The following BRMS1L variants were observed in gnomAD, a reference collection of about 807,000 sequenced individuals.
BRMS1L encodes the protein BRMS1 like transcriptional repressor.
In BRMS1L, 23 loss-of-function variants were observed where a neutral mutation model predicts 50.3. The ratio of observed to expected loss-of-function variants is 0.46; its 90% confidence interval spans 0.33 to 0.65. The LOEUF (loss-of-function observed/expected upper bound fraction) is 0.65. Ranked by LOEUF, BRMS1L falls within the 30% of genes least tolerant of loss-of-function variation. The probability of loss-of-function intolerance (pLI) is 0.02; values close to 1 mark genes in which losing one functional copy is unlikely to be tolerated. For synonymous variants in BRMS1L, 114 were observed against 126.9 expected (o/e 0.90, Z 0.69); for missense variants, 286 against 386.1 (o/e 0.74, Z 2.17).
chr14:35,859,550 T>G (rs1259275678), intron 4 of BRMS1L, among the ~76,000 whole-genome samples: 1 of 152,246 alleles, frequency 6.6e-6, no homozygotes, highest in Non-Finnish European at 1.5e-5. Flanking sequence ...TATTCTTGTC[T>G]TGGTATTGTG....
At chr14:35,855,620 G>T (rs2078270279) in intron 4 of BRMS1L, among the ~76,000 whole-genome samples, 1 of 152,100 alleles carries the variant, frequency 6.6e-6, no homozygotes, top group South Asian at 2.1e-4. Context: ...TCTATTAATA[G>T]TTTAGTTGTG....
chr14:35,845,913 A>G (rs2078127507), intron 4 of BRMS1L, among the ~76,000 whole-genome samples: 1 of 152,128 alleles, frequency 6.6e-6, no homozygotes, highest in African/African-American at 2.4e-5. Context: ...GCACCTGGCT[A>G]TGATATGGAT....
chr14:35,851,911 G>A (rs1033334432), intron 4 of BRMS1L, among the ~76,000 whole-genome samples: 1 of 152,166 alleles, frequency 6.6e-6, no homozygotes, highest in South Asian at 2.1e-4. Flanking sequence ...TTCCCGTTGT[G>A]TATTCTTGGC....
chr14:35,862,701 A>G lies in BRMS1L; in HGVS notation c.538+15A>G, dbSNP rs1336727659. ...TATTACCTCAGGTAAGGAGAATGAT[A>G]TGATTGTGATGTTTGAGTGGCACCA... On this transcript the variant is annotated intron_variant, in intron 5 of 9. Transcript: ENST00000216807. 6.3e-7 allele frequency: 1 copy of G among 1,580,620 alleles called. No individual in the cohort carries two copies. The highest frequency in any genetic ancestry group is 8.7e-7 in the Non-Finnish European group (1 of 1,154,890).
chr14:35,865,021 A>G, intron 7 of BRMS1L, 22 bp downstream of exon 7: 1 of 1,487,960 alleles, frequency 6.7e-7, no homozygotes, highest in Non-Finnish European at 9.1e-7. Context: ...GAGCAGTGGA[A>G]CACAAGTATG....
At chr14:35,864,073 AGAT>A in intron 6 of BRMS1L, 120 bp downstream of exon 6, 2 of 773,428 alleles carry the variant, frequency 2.6e-6, no homozygotes, top group Non-Finnish European at 4.2e-6. Flanking sequence ...AATAAGCAAA[AGAT>A]GATTTATTTA....
intron 9 of BRMS1L, among the ~76,000 whole-genome samples, chr14:35,868,848 G>A (rs1003595911): frequency 6.6e-6 from 1 of 152,172 alleles, no homozygotes; most frequent in Non-Finnish European, 1.5e-5. Flanking sequence ...AAAAGTCCTA[G>A]TAATATGTCT....
At chr14:35,840,786 A>G (rs761665954) in intron 4 of BRMS1L, among the ~76,000 whole-genome samples, 1 of 151,216 alleles carries the variant, frequency 6.6e-6, no homozygotes, top group South Asian at 2.1e-4. Flanking sequence ...CTAGTGGTCT[A>G]TCTAAAACCA....
At chr14:35,856,835 A>G (rs1043213964) in intron 4 of BRMS1L, among the ~76,000 whole-genome samples, 5 of 152,086 alleles carry the variant, frequency 3.3e-5, no homozygotes, top group African/African-American at 1.2e-4. Context: ...GCTGGTCTCA[A>G]ACTCCTGGCC....
intron 1 of BRMS1L, among the ~76,000 whole-genome samples, chr14:35,828,953 T>C (rs1472148166): frequency 6.6e-6 from 1 of 151,874 alleles, no homozygotes; most frequent in Non-Finnish European, 1.5e-5. Context: ...TCTTTTTTTT[T>C]TTTCTTTTTT....
At chr14:35,854,634 C>T (rs2078256480) in intron 4 of BRMS1L, among the ~76,000 whole-genome samples, 2 of 152,184 alleles carry the variant, frequency 1.3e-5, no homozygotes, top group Admixed American at 6.5e-5. Context: ...TCCAGAACTC[C>T]ATTATCTCTT....
chr14:35,844,583 C>T (rs1010377963), intron 4 of BRMS1L, among the ~76,000 whole-genome samples: 2 of 152,214 alleles, frequency 1.3e-5, no homozygotes, highest in Non-Finnish European at 2.9e-5. Flanking sequence ...AATCACCCGC[C>T]TTCTGCGTTG....
intron 4 of BRMS1L, among the ~76,000 whole-genome samples, chr14:35,852,247 C>T (rs1595670486): frequency 6.6e-6 from 1 of 152,310 alleles, no homozygotes; most frequent in South Asian, 2.1e-4. Flanking sequence ...TGCTCTATCA[C>T]TTAGGCTGGA....
At chr14:35,832,543 T>G (rs2077936274) in intron 2 of BRMS1L, among the ~76,000 whole-genome samples, 1 of 151,748 alleles carries the variant, frequency 6.6e-6, no homozygotes, top group Non-Finnish European at 1.5e-5. Context: ...AATACAGTAA[T>G]ACTGACTCCT....
chr14:35,835,323 T>G (rs1167227577), intron 4 of BRMS1L, among the ~76,000 whole-genome samples: 3 of 152,356 alleles, frequency 2.0e-5, no homozygotes, highest in African/African-American at 7.2e-5. Flanking sequence ...TCCACATCTT[T>G]GGGCAGAATT....
intron 9 of BRMS1L, among the ~76,000 whole-genome samples, chr14:35,869,172 T>G (rs1045413891): frequency 2.0e-5 from 3 of 152,226 alleles, no homozygotes; most frequent in African/African-American, 7.2e-5. Context: ...ATTGAACTAC[T>G]AGTTTATATA....
chr14:35,835,049 G>T, intron 4 of BRMS1L, 126 bp downstream of exon 4: 4 of 461,632 alleles, frequency 8.7e-6, no homozygotes, highest in East Asian at 4.1e-5. Context: ...ATTTGTGTGT[G>T]ATTAAAAAAA....
intron 4 of BRMS1L, among the ~76,000 whole-genome samples, chr14:35,841,481 T>C (rs1174741090): frequency 6.6e-6 from 1 of 152,074 alleles, no homozygotes; most frequent in Non-Finnish European, 1.5e-5. Flanking sequence ...GTATTTTTAG[T>C]AGAGATGGGG....
chr14:35,868,501 A>C (rs1054170078), intron 9 of BRMS1L, among the ~76,000 whole-genome samples: 1 of 152,182 alleles, frequency 6.6e-6, no homozygotes, highest in Non-Finnish European at 1.5e-5. Flanking sequence ...AGTATAATCT[A>C]GGGCTGGGTG....
Sources: gnomAD v4.1 joint callset for allele counts (sites outside exome capture counted in the v4.1 genomes callset) on GRCh38, gnomAD v4.1.1 for gene constraint, MANE v1.5 for transcripts, NCBI Gene and HGNC (gene_info 2026-07-23, HGNC 2026-07-21) for gene names.